MCPH1: variants seen among roughly 807,000 people sequenced by gnomAD.
MCPH1 encodes the protein microcephalin.
Under a neutral mutation model 84.5 loss-of-function variants are expected in MCPH1, and 104 were observed. That is an observed-to-expected ratio of 1.23 (90% CI 1.05 to 1.45). The LOEUF (loss-of-function observed/expected upper bound fraction) is 1.45, where lower values mean the gene tolerates loss of function less well. Ranked by LOEUF, MCPH1 falls within the 40% of genes most tolerant of loss-of-function variation. The pLI, the probability that MCPH1 is intolerant of heterozygous loss-of-function variation, is 0.00. For synonymous variants in MCPH1, 514 were observed against 366.8 expected, an observed-to-expected ratio of 1.40 and a Z score of -4.58; for missense variants, 1,498 against 1,005.7, an observed-to-expected ratio of 1.49 and a Z score of -6.62.
At chr8:6,536,342 G>A (rs908353660) in intron 12 of MCPH1, among the ~76,000 whole-genome samples, 2 of 152,108 alleles carry the variant, frequency 1.3e-5, no homozygotes, top group African/African-American at 4.8e-5. Context: ...GCTGAGCACT[G>A]GAATGACCCT....
intron 12 of MCPH1, among the ~76,000 whole-genome samples, chr8:6,524,946 C>G (rs1204843815): frequency 2.0e-5 from 3 of 152,216 alleles, no homozygotes; most frequent in African/African-American, 7.2e-5. Flanking sequence ...GTCACAAGGG[C>G]AGACACCCTG....
At chr8:6,589,359 C>T (rs760537182) in intron 12 of MCPH1, among the ~76,000 whole-genome samples, 23 of 152,278 alleles carry the variant, frequency 1.5e-4, no homozygotes, top group Non-Finnish European at 2.6e-4. Context: ...GCTATACTTC[C>T]TGTCTTCCTT....
rs539747913 is a variant in MCPH1, at chr8:6,448,723, A to G, written c.1825+3176A>G. 1.9e-4 allele frequency among the ~76,000 whole-genome samples: 29 copies of G among 152,374 alleles called. No homozygotes were observed. In the East Asian group the frequency reaches 3.7e-3, roughly 19 times the overall value. On this transcript the variant is annotated intron_variant, in intron 8 of 13. Transcript: ENST00000344683. The stretch of plus-strand genomic sequence containing the variant: ...TATTGCCTTAAAAATTGCTTTTTAC[A>G]AAAGCAGTATGTCATATATTTACAT...
At position 6,488,986 on chromosome 8, in the gene MCPH1, A is replaced by C. The variant is rs561670562; in HGVS notation, c.2136+8110A>C. Among the ~76,000 whole-genome samples, 3 of 152,160 alleles carry C rather than the reference A, an allele frequency of 2.0e-5. No individual in the cohort carries two copies. The East Asian group carries it at 5.8e-4, about 29-fold the overall frequency. On this transcript the variant is annotated intron_variant, in intron 11 of 13. Coordinates refer to ENST00000344683, the MANE Select transcript of MCPH1 (RefSeq NM_024596.5). ...GGTGTGTGGGAATGGAGAAGTCAAG[A>C]AGACTCCCACCCAAATTTTTTCCTG... is the stretch of plus-strand genomic sequence containing the variant.
chr8:6,439,092 C>G lies in MCPH1; in HGVS notation c.576C>G (p.Pro192=). Residue 192 remains proline (P), a synonymous_variant, in exon 6 of 14, where the codon CCC becomes CCG. Coordinates refer to ENST00000344683, the MANE Select transcript of MCPH1 (RefSeq NM_024596.5). ...AGGAGAAAAGGGAAAATCTTTCCCC[C>G]ACCTGTAAGTAATTAGTTTGTAAAA... The part of the protein sequence containing the change: ...EMKEKRENLS[P]TSSQMIQQSH... 1 of 1,612,666 alleles carries G rather than the reference C, an allele frequency of 6.2e-7. No individual in the cohort carries two copies. The highest frequency in any genetic ancestry group is 8.5e-7 in the Non-Finnish European group (1 of 1,179,452).
At chr8:6,489,821 T>C (rs1289686482) in intron 11 of MCPH1, among the ~76,000 whole-genome samples, 3 of 152,134 alleles carry the variant, frequency 2.0e-5, no homozygotes, top group Non-Finnish European at 2.9e-5. Flanking sequence ...AGCATCTGAA[T>C]CTGTTGGCTG....
chr8:6,428,671 A>C (rs1168029356), intron 3 of MCPH1, among the ~76,000 whole-genome samples: 1 of 152,190 alleles, frequency 6.6e-6, no homozygotes, highest in Non-Finnish European at 1.5e-5. Context: ...AAGGTTCAGT[A>C]TGTTGTCATC....
intron 9 of MCPH1, among the ~76,000 whole-genome samples, chr8:6,462,079 C>G (rs1806355240): frequency 7.2e-5 from 11 of 152,152 alleles, no homozygotes; most frequent in Admixed American, 7.2e-4. Context: ...GGTCAGAGCA[C>G]AGAAATGTTT....
chr8:6,559,966 G>A (rs1487861289), intron 12 of MCPH1, among the ~76,000 whole-genome samples: 1 of 152,112 alleles, frequency 6.6e-6, no homozygotes, highest in Non-Finnish European at 1.5e-5. Context: ...TTCCTTTGCC[G>A]GACAGATTAA....
At chr8:6,585,128 AAGAC>A (rs1352938793) in intron 12 of MCPH1, among the ~76,000 whole-genome samples, 2 of 152,366 alleles carry the variant, frequency 1.3e-5, no homozygotes, top group African/African-American at 2.4e-5. Flanking sequence ...TTTTCAGACT[AAGAC>A]AGTGTCTCTG....
chr8:6,483,793 G>A (rs1809528052), intron 11 of MCPH1, among the ~76,000 whole-genome samples: 1 of 152,132 alleles, frequency 6.6e-6, no homozygotes, highest in African/African-American at 2.4e-5. Flanking sequence ...CGGTGAGATG[G>A]AGGTTGCAAA....
rs569307138 is a variant in MCPH1 at position 6,559,325 on chromosome 8, C to G, written c.2214+59396C>G. Among the ~76,000 whole-genome samples the G allele has an allele frequency of 1.1e-3, 168 of 152,040 alleles. 1 individual carries two copies. Among genetic ancestry groups the G allele is most frequent in the African/African-American group, 3.8e-3 (157 of 41,500 alleles). ...GTTCCCCTGGGAGCCCCTCACCATC[C>G]ATTTCTCCCAGTGACGGCAGCTATG... On this transcript the variant is annotated intron_variant, in intron 12 of 13. Coordinates refer to ENST00000344683, the MANE Select transcript of MCPH1 (RefSeq NM_024596.5).
intron 12 of MCPH1, among the ~76,000 whole-genome samples, chr8:6,611,297 C>A (rs34078990): frequency 1.3e-5 from 2 of 152,176 alleles, no homozygotes; most frequent in Non-Finnish European, 1.5e-5. Context: ...GCCCCGCAAG[C>A]CTGCCCCCCT....
At chr8:6,541,184 G>C (rs962282388) in intron 12 of MCPH1, among the ~76,000 whole-genome samples, 2 of 152,230 alleles carry the variant, frequency 1.3e-5, no homozygotes, top group East Asian at 1.9e-4. Context: ...AGCAGCACAA[G>C]AGGGTGAATT....
chr8:6,453,249 G>A (rs1357024580), intron 8 of MCPH1, among the ~76,000 whole-genome samples: 3 of 152,212 alleles, frequency 2.0e-5, no homozygotes, highest in East Asian at 3.8e-4. Context: ...ACTCTCAACT[G>A]CTTTGGGTTT....
chr8:6,533,838 A>G (rs966523120), intron 12 of MCPH1, among the ~76,000 whole-genome samples: 2 of 152,150 alleles, frequency 1.3e-5, no homozygotes, highest in Non-Finnish European at 2.9e-5. Flanking sequence ...TAACCACTAA[A>G]TAATTCTGTG....
At chr8:6,590,230 C>G (rs540420398) in intron 12 of MCPH1, among the ~76,000 whole-genome samples, 8 of 151,524 alleles carry the variant, frequency 5.3e-5, no homozygotes, top group Non-Finnish European at 1.0e-4. Flanking sequence ...ACAGATCCAA[C>G]TATGTAATCA....
intron 3 of MCPH1, among the ~76,000 whole-genome samples, chr8:6,415,323 T>C (rs1471991136): frequency 6.7e-6 from 1 of 149,818 alleles, no homozygotes; most frequent in Non-Finnish European, 1.5e-5. Flanking sequence ...AGTCTTGCTC[T>C]GTCATCCAAG....
rs200518541 is a variant in MCPH1, at chr8:6,444,948, A to G, written c.1226A>G (p.Glu409Gly). The G allele has an allele frequency of 3.1e-6, 5 of 1,614,184 alleles. No homozygotes were observed. The South Asian group carries it at 5.5e-5, about 18-fold the overall frequency. The change falls in exon 8 of 14, where the codon GAG becomes GGG. Residue 409 changes from glutamate to glycine, a missense_variant. Glu to Gly is a moderately conservative substitution (Grantham distance 98). Coordinates refer to ENST00000344683, the MANE Select transcript of MCPH1 (RefSeq NM_024596.5). Reference protein sequence around the residue: ...GPALEALSCGESSYDDYFSPD... With the variant: ...GPALEALSCGGSSYDDYFSPD... Reference sequence around the variant, plus strand: ...GCCCTGGAGGCTCTTAGCTGTGGGGAGTCTTCATATGATGACTATTTTTCA... The same window carrying G: ...GCCCTGGAGGCTCTTAGCTGTGGGGGGTCTTCATATGATGACTATTTTTCA...
Sources: allele counts gnomAD v4.1 joint callset (sites outside exome capture counted in the v4.1 genomes callset), GRCh38; gene constraint gnomAD v4.1.1; transcripts MANE v1.5; gene names NCBI Gene and HGNC (gene_info 2026-07-23, HGNC 2026-07-21).